NPFFR1: variants seen among roughly 807,000 people sequenced by gnomAD.
The protein encoded by NPFFR1 is neuropeptide FF receptor 1.
In NPFFR1, 17 loss-of-function variants were observed where a neutral mutation model predicts 12.7. That is an observed-to-expected ratio of 1.34 (90% CI 0.92 to 2.01). The LOEUF (loss-of-function observed/expected upper bound fraction) is 2.01, where lower values mean the gene tolerates loss of function less well. Ranked by LOEUF, NPFFR1 falls within the 30% of genes most tolerant of loss-of-function variation. The pLI is 0.00. For missense variants in NPFFR1, 604 were observed against 606.5 expected, an observed-to-expected ratio of 1.00 and a Z score of 0.04; for synonymous variants, 296 against 264.5, an observed-to-expected ratio of 1.12 and a Z score of -1.16.
chr10:70,280,494 T>C (rs1840849148), intron 1 of NPFFR1, among the ~76,000 whole-genome samples: 2 of 152,318 alleles, frequency 1.3e-5, no homozygotes, highest in South Asian at 4.1e-4. Context: ...ATATTGGGCA[T>C]TTTTTCATAT....
intron 1 of NPFFR1, among the ~76,000 whole-genome samples, chr10:70,275,702 G>A (rs1840797463): frequency 6.6e-6 from 1 of 152,094 alleles, no homozygotes; most frequent in Non-Finnish European, 1.5e-5. Flanking sequence ...TATGATTAAT[G>A]TATGTTGATA....
chr10:70,267,865 G>C (rs962443078), intron 1 of NPFFR1, among the ~76,000 whole-genome samples: 1 of 152,178 alleles, frequency 6.6e-6, no homozygotes, highest in South Asian at 2.1e-4. Context: ...GGGGCACTGC[G>C]GTGAGTGTTG....
chr10:70,267,371 G>A (rs1046750265), intron 1 of NPFFR1, among the ~76,000 whole-genome samples: 4 of 152,128 alleles, frequency 2.6e-5, no homozygotes, highest in African/African-American at 4.8e-5. Flanking sequence ...TTAGCTCTCC[G>A]AGCCATCCCA....
Position 70,266,271 on chromosome 10 carries a change from G to T in NPFFR1, c.128C>A (p.Ala43Glu), listed in dbSNP as rs758202872. The T allele has an allele frequency of 2.5e-6, 4 of 1,613,802 alleles. No individual in the cohort carries two copies. The Admixed American group carries it at 6.7e-5, about 27-fold the overall frequency. ...SSYYQHTSPV[A>E]AMFIVAYALI... ...CGCATAGGCCACAATGAACATGGCC[G>T]CCACAGGGGAGGTGTGCTGATAGTA... The change falls in exon 2 of 4, where the codon GCG (alanine) becomes GAG (glutamate). Residue 43 changes from alanine to glutamate, a missense_variant. Ala to Glu is a moderately radical substitution (Grantham distance 107, BLOSUM62 -1). Transcript: ENST00000277942.
rs377049385 is a variant in NPFFR1, at chr10:70,263,465, G to C, written c.322+2612C>G. The stretch of plus-strand genomic sequence containing the variant: ...TTTTTTGTATTTTTTAGTAGAGATG[G>C]GGTTTCACCATTTTAGCCAGGATGG... On this transcript the variant is annotated intron_variant, in intron 2 of 3. Transcript: ENST00000277942. 1.3e-4 allele frequency among the ~76,000 whole-genome samples: 20 copies of C among 152,086 alleles called. No individual in the cohort carries two copies. The South Asian group carries it at 3.9e-3, about 30-fold the overall frequency.
Position 70,283,669 on chromosome 10 carries a change from C to A in NPFFR1, c.7+1G>T. On this transcript the variant is annotated splice_donor_variant, in intron 1 of 3. Coordinates refer to ENST00000277942, the MANE Select transcript of NPFFR1 (RefSeq NM_022146.5). LOFTEE classifies it high-confidence loss of function. ...TGGCCCCCAGCCCCAGGACCACTCACCCTCCATGATGCCCCCAGTTGCGGG... is the reference window on the plus strand; with the variant it reads ...TGGCCCCCAGCCCCAGGACCACTCAACCTCCATGATGCCCCCAGTTGCGGG... The A allele has an allele frequency of 6.5e-7, 1 of 1,535,626 alleles. No homozygotes were observed. The highest frequency in any genetic ancestry group is 8.7e-7 in the Non-Finnish European group (1 of 1,146,626).
intron 1 of NPFFR1, among the ~76,000 whole-genome samples, chr10:70,270,701 G>C (rs1341598275): frequency 6.6e-6 from 1 of 152,286 alleles, no homozygotes; most frequent in African/African-American, 2.4e-5. Flanking sequence ...AGGCAGGCAG[G>C]CCTCCCACCC....
At position 70,255,205 on chromosome 10, in the gene NPFFR1, A is replaced by T. The variant is rs1840549788; in HGVS notation, c.1045T>A (p.Cys349Ser). The T allele has an allele frequency of 6.5e-7, 1 of 1,549,172 alleles. No individual in the cohort carries two copies. Among genetic ancestry groups the T allele is most frequent in the Non-Finnish European group, 8.7e-7 (1 of 1,150,682 alleles). Residue 349 changes from cysteine (C) to serine (S), a missense_variant, in exon 4 of 4, where the codon TGC (cysteine) becomes AGC (serine). Physicochemically the swap from Cys to Ser is moderately radical, Grantham distance 112. Transcript: ENST00000277942. The surrounding 1 kb of genome is among the most constrained non-coding windows in gnomAD (Gnocchi z 4.2). ...TTGTGGCTCCCCGACGGGCGCGGGC[A>T]GAGGCGGGCGCGGAAGGCGGCCTGG... ...GFQAAFRARL[C>S]PRPSGSHKEA...
In NPFFR1 at chr10:70,254,803, A is replaced by G; in HGVS notation, c.*154T>C. 2.2e-6 allele frequency: 2 copies of G among 893,030 alleles called. No homozygotes were observed. The highest frequency in any genetic ancestry group is 3.0e-6 in the Non-Finnish European group (2 of 661,142). The allele number at this position is 893,030 out of a possible 1,614,324, so 55.3% of individuals were successfully genotyped here. A position where few individuals can be genotyped will look rare whatever the true frequency, so the allele number is the denominator to read the frequency against. On this transcript the variant is annotated 3_prime_UTR_variant, in exon 4 of 4. Transcript: ENST00000277942. ...TGCCTCTACTGAGGGTGAAGGCAGC[A>G]GAGAAGACATCACCAGCAGCTGCCC...
intron 1 of NPFFR1, chr10:70,277,988 C>T (rs1156538823): frequency 1.9e-6 from 1 of 519,792 alleles, no homozygotes; most frequent in Non-Finnish European, 3.9e-6. Context: ...AATCCAGCCA[C>T]CCAATAATTA....
rs1840886414 is a variant in NPFFR1, at chr10:70,283,742, C to T, written c.-66G>A. On this transcript the variant is annotated 5_prime_UTR_variant, in exon 1 of 4. Coordinates refer to ENST00000277942, the MANE Select transcript of NPFFR1 (RefSeq NM_022146.5). ...GAGGCAGCGGGCCCCTTCGGGCCAG[C>T]GGGCAGAGGGACGGTCTCCGGGCAC... is the stretch of plus-strand genomic sequence containing the variant. The T allele has an allele frequency of 2.6e-6, 4 of 1,514,122 alleles. No homozygotes were observed. The South Asian group carries it at 3.6e-5, about 14-fold the overall frequency. The allele number at this position is 1,514,122 out of a possible 1,614,324, so 93.8% of individuals were successfully genotyped here. A position where few individuals can be genotyped will look rare whatever the true frequency, so the allele number is the denominator to read the frequency against.
intron 1 of NPFFR1, among the ~76,000 whole-genome samples, chr10:70,271,375 T>C (rs950551483): frequency 6.6e-6 from 1 of 151,938 alleles, no homozygotes; most frequent in Non-Finnish European, 1.5e-5. Flanking sequence ...TAGCCAGATG[T>C]GGTGGTGCGT....
Position 70,255,488 on chromosome 10 carries a change from C to G in NPFFR1, c.762G>C (p.Glu254Asp). Residue 254 changes from glutamate to aspartate, a missense_variant, in exon 4 of 4, where the codon GAG becomes GAC. Physicochemically the swap from Glu to Asp is conservative, Grantham distance 45. Coordinates refer to ENST00000277942, the MANE Select transcript of NPFFR1 (RefSeq NM_022146.5). The surrounding 1 kb of genome is among the most constrained non-coding windows in gnomAD (Gnocchi z 4.2). ...GCGATGCTCGCGGGTCCGCAGCCTC[C>G]TCGCCCCCGGGGGCCGGGCCCGGGG... The part of the protein sequence containing the change: ...CQAPGPAPGG[E>D]EAADPRASRR... The G allele has an allele frequency of 6.5e-7, 1 of 1,547,798 alleles. No homozygotes were observed. Among genetic ancestry groups the G allele is most frequent in the Non-Finnish European group, 8.7e-7 (1 of 1,145,500 alleles).
chr10:70,281,756 T>TTG (rs1208795998), intron 1 of NPFFR1, among the ~76,000 whole-genome samples: 1 of 152,244 alleles, frequency 6.6e-6, no homozygotes, highest in Non-Finnish European at 1.5e-5. Flanking sequence ...TAGTATGCCA[T>TTG]TGCAGAAGTG....
chr10:70,269,277 C>A (rs1040887494), intron 1 of NPFFR1, among the ~76,000 whole-genome samples: 2 of 152,076 alleles, frequency 1.3e-5, no homozygotes, highest in Non-Finnish European at 2.9e-5. Context: ...CCGCCTCGGC[C>A]TCCTGAGTAG....
rs1055037724 is a variant in NPFFR1 at position 70,265,997 on chromosome 10, T to A, written c.322+80A>T. ...CAGCCCAGCAATGATATCTGTCTTC[T>A]AAGCTTTGATTTCCAGCCTTATCTG... On this transcript the variant is annotated intron_variant, in intron 2 of 3. Transcript: ENST00000277942. 10 of 1,362,588 alleles carry A rather than the reference T, an allele frequency of 7.3e-6. No individual in the cohort carries two copies. In the African/African-American group the frequency reaches 1.4e-4, roughly 19 times the overall value. The allele number at this position is 1,362,588 out of a possible 1,614,324, so 84.4% of individuals were successfully genotyped here. A position where few individuals can be genotyped will look rare whatever the true frequency, so the allele number is the denominator to read the frequency against.
chr10:70,266,489 A>G, intron 1 of NPFFR1, 98 bp from the exon 2 acceptor site: 1 of 969,182 alleles, frequency 1.0e-6, no homozygotes, highest in Non-Finnish European at 1.5e-6. Flanking sequence ...AACCTTAACC[A>G]TGCCCTGGTC....
rs145844714 is a variant in NPFFR1 at position 70,249,428 on chromosome 10, A to T, written c.*5529T>A. On this transcript the variant is annotated 3_prime_UTR_variant, in exon 4 of 4. Coordinates refer to ENST00000277942, the MANE Select transcript of NPFFR1 (RefSeq NM_022146.5). ...AAAAAAAAAATTATATTCACAAAAA[A>T]ATCCCTTAGAGTTAGGGCAAGTTTT... 5.7e-4 allele frequency: 86 copies of T among 152,004 alleles called. No homozygotes were observed. Among genetic ancestry groups the T allele is most frequent in the African/African-American group, 2.0e-3 (83 of 41,488 alleles). The allele number at this position is 152,004 out of a possible 1,614,324, so 9.4% of individuals were successfully genotyped here.
chr10:70,280,551 A>G (rs2136812410), intron 1 of NPFFR1, among the ~76,000 whole-genome samples: 1 of 152,072 alleles, frequency 6.6e-6, no homozygotes, highest in South Asian at 2.1e-4. Context: ...GTCTATTCAG[A>G]TTTCTTACCA....
Sources: gnomAD v4.1 joint callset for allele counts (sites outside exome capture counted in the v4.1 genomes callset) on GRCh38, gnomAD v4.1.1 for gene constraint, Gnocchi (gnomAD v3.1) non-coding constraint, MANE v1.5 for transcripts, NCBI Gene and HGNC (gene_info 2026-07-23, HGNC 2026-07-21) for gene names.